UGT1A10: variants seen among roughly 807,000 people sequenced by gnomAD.
UGT1A10 encodes UDP glucuronosyltransferase family 1 member A10.
Under a neutral mutation model 45.8 loss-of-function variants are expected in UGT1A10, and 49 were observed. The ratio of observed to expected loss-of-function variants is 1.07; its 90% CI spans 0.85 to 1.36. The LOEUF is 1.36. Among genes scored for constraint, UGT1A10 ranks in the 40% most tolerant of loss-of-function variants. UGT1A10 has a pLI of 0.00. For missense variants in UGT1A10, 745 were observed against 668.6 expected, an observed-to-expected ratio of 1.11 and a Z score of -1.26; for synonymous variants, 284 against 249.7, an observed-to-expected ratio of 1.14 and a Z score of -1.29.
intron 1 of UGT1A10, chr2:233,719,247 G>A: frequency 1.2e-6 from 2 of 1,614,186 alleles, no homozygotes. Context: ...GCACCTGAAT[G>A]CTACTTCCTT....
intron 1 of UGT1A10, among the ~76,000 whole-genome samples, chr2:233,698,132 G>A (rs1231040285): frequency 6.6e-6 from 1 of 152,170 alleles, no homozygotes; most frequent in Non-Finnish European, 1.5e-5. Flanking sequence ...CCTTGTTTGT[G>A]TCTCAACTGT....
At chr2:233,728,581 G>A (rs1575575973) in intron 1 of UGT1A10, among the ~76,000 whole-genome samples, 1 of 152,156 alleles carries the variant, frequency 6.6e-6, no homozygotes, top group Non-Finnish European at 1.5e-5. Context: ...TGCGAAAAAC[G>A]ACCAAAACCA....
chr2:233,719,514 G>T, intron 1 of UGT1A10: 1 of 1,613,922 alleles, frequency 6.2e-7, no homozygotes, highest in Non-Finnish European at 8.5e-7. Context: ...TGCCCCTTAT[G>T]CAAGTCTTGC....
intron 1 of UGT1A10, chr2:233,692,821 C>T (rs934359609): frequency 1.4e-6 from 2 of 1,433,108 alleles, no homozygotes; most frequent in Non-Finnish European, 1.8e-6. Context: ...TCATATTAAC[C>T]ATGTGATTAA....
chr2:233,718,197 C>T (rs1417853211), intron 1 of UGT1A10, among the ~76,000 whole-genome samples: 5 of 152,036 alleles, frequency 3.3e-5, no homozygotes, highest in South Asian at 4.1e-4. Context: ...CTCCCCGGAG[C>T]TTTTTTTTAT....
intron 1 of UGT1A10, among the ~76,000 whole-genome samples, chr2:233,643,654 C>T (rs951880809): frequency 6.6e-6 from 1 of 152,128 alleles, no homozygotes; most frequent in East Asian, 1.9e-4. Flanking sequence ...TGGGAATGTG[C>T]TGAATCTCAC....
At chr2:233,638,611 A>G (rs2073367165) in intron 1 of UGT1A10, among the ~76,000 whole-genome samples, 1 of 152,206 alleles carries the variant, frequency 6.6e-6, no homozygotes, top group African/African-American at 2.4e-5. Context: ...ATTCTTGGCA[A>G]ACGCATAGTT....
chr2:233,688,361 T>C (rs1481514327), intron 1 of UGT1A10, among the ~76,000 whole-genome samples: 1 of 152,258 alleles, frequency 6.6e-6, no homozygotes, highest in Admixed American at 6.5e-5. Flanking sequence ...AAAATAATGT[T>C]GTTGTGAACA....
At chr2:233,726,564 T>TA (rs1292410166) in intron 1 of UGT1A10, among the ~76,000 whole-genome samples, 1 of 152,188 alleles carries the variant, frequency 6.6e-6, no homozygotes, top group Non-Finnish European at 1.5e-5. Flanking sequence ...CTCCCACTCT[T>TA]ACGCCTGTCT....
Position 233,754,885 on chromosome 2 carries a change from A to G in UGT1A10, c.856-12149A>G, listed in dbSNP as rs750655652. Reference sequence around the variant, plus strand: ...GACCCTCTGCTTCTGCTTCCCAGGGAGTTCCTCTGACCCCCCAAAATATTC... The same window carrying G: ...GACCCTCTGCTTCTGCTTCCCAGGGGGTTCCTCTGACCCCCCAAAATATTC... On this transcript the variant is annotated intron_variant, in intron 1 of 4. Coordinates refer to ENST00000344644, the MANE Select transcript of UGT1A10 (RefSeq NM_019075.4). The G allele has an allele frequency of 3.0e-6, 4 of 1,350,732 alleles. No individual in the cohort carries two copies. In the African/African-American group the frequency reaches 5.9e-5, roughly 20 times the overall value. 83.7% of individuals were successfully genotyped at this position (1,350,732 alleles called of 1,614,324 possible). A position where few individuals can be genotyped will look rare whatever the true frequency, so the allele number is the denominator to read the frequency against.
At chr2:233,658,555 C>T (rs2073902814) in intron 1 of UGT1A10, among the ~76,000 whole-genome samples, 1 of 152,154 alleles carries the variant, frequency 6.6e-6, no homozygotes. Flanking sequence ...TTTTCGATGA[C>T]TTTGACAGTT....
intron 1 of UGT1A10, among the ~76,000 whole-genome samples, chr2:233,726,081 A>G (rs1169774855): frequency 6.6e-6 from 1 of 152,170 alleles, no homozygotes; most frequent in Non-Finnish European, 1.5e-5. Flanking sequence ...CAGGAGGATT[A>G]CTTGATCCGA....
intron 1 of UGT1A10, chr2:233,760,815 A>G: frequency 6.2e-7 from 1 of 1,613,556 alleles, no homozygotes; most frequent in Non-Finnish European, 8.5e-7. Context: ...ATGCACTGCC[A>G]TGCAGCCTGG....
At chr2:233,729,785 T>C (rs767360644) in intron 1 of UGT1A10, 1 of 1,614,014 alleles carries the variant, frequency 6.2e-7, no homozygotes, top group Non-Finnish European at 8.5e-7. Flanking sequence ...CCTCTGGCCC[T>C]GTCCTACATT....
At chr2:233,748,198 C>T (rs1478971867) in intron 1 of UGT1A10, 15 of 1,535,826 alleles carry the variant, frequency 9.8e-6, no homozygotes, top group Non-Finnish European at 1.1e-5. Flanking sequence ...TTCTGCTTGT[C>T]GTAATAGCCT....
intron 1 of UGT1A10, among the ~76,000 whole-genome samples, chr2:233,645,512 G>A (rs1269381350): frequency 2.0e-5 from 3 of 152,200 alleles, no homozygotes; most frequent in African/African-American, 4.8e-5. Context: ...AAGCAAGTTA[G>A]TTACTTCCTA....
chr2:233,689,865 T>C (rs1407073564), intron 1 of UGT1A10: 1 of 456,466 alleles, frequency 2.2e-6, no homozygotes, highest in Non-Finnish European at 4.4e-6. Context: ...TACTATTACC[T>C]TCTTGCTTAT....
In UGT1A10 at chr2:233,636,510, C is replaced by A. The variant is rs773316181; in HGVS notation, c.-13C>A. 1.9e-6 allele frequency: 3 copies of A among 1,606,192 alleles called. No individual in the cohort carries two copies. The highest frequency in any genetic ancestry group is 2.6e-6 in the Non-Finnish European group (3 of 1,175,076). On this transcript the variant is annotated 5_prime_UTR_variant, in exon 1 of 5. It adds an upstream start codon to the 5' untranslated region. Transcript: ENST00000344644. ...TTAGAATCCCAGCTGCTGGCTCGGG[C>A]TGCAGTTCTCTCATGGCTCGCGCAG...
At position 233,725,197 on chromosome 2, in the gene UGT1A10, CAGAGGCAGAGGCAGAGGCAGA is replaced by C. The variant is rs1559370274; in HGVS notation, c.856-41836_856-41816del. ...CCGTGGGGAGAGGCAGAGGCAGAGG[CAGAGGCAGAGGCAGAGGCAGA>C]GGAGGCAGAGGCAGAGGAGGCAGAG... is the stretch of plus-strand genomic sequence containing the variant. On this transcript the variant is annotated intron_variant, in intron 1 of 4. Transcript: ENST00000344644. Among the ~76,000 whole-genome samples the C allele has an allele frequency of 9.0e-4, 74 of 81,846 alleles. 30 individuals carry two copies. Among genetic ancestry groups the C allele is most frequent in the African/African-American group, 7.3e-3 (68 of 9,378 alleles). 53.7% of individuals were successfully genotyped at this position (81,846 alleles called of 152,430 possible).
Sources: allele counts gnomAD v4.1 joint callset (sites outside exome capture counted in the v4.1 genomes callset), GRCh38; gene constraint gnomAD v4.1.1; transcripts MANE v1.5; gene names NCBI Gene and HGNC (gene_info 2026-07-23, HGNC 2026-07-21).